The following TTI1 variants were observed in gnomAD, a reference collection of about 807,000 sequenced individuals.
The protein encoded by TTI1 is TELO2 interacting protein 1.
In TTI1, 52 loss-of-function variants were observed where a neutral mutation model predicts 85.4. The ratio of observed to expected loss-of-function variants is 0.61; its 90% CI spans 0.49 to 0.77. The LOEUF (loss-of-function observed/expected upper bound fraction) is 0.77, where lower values mean the gene tolerates loss of function less well. Among genes scored for constraint, TTI1 ranks in the 30% least tolerant of loss-of-function variants. The probability of loss-of-function intolerance (pLI) is 0.00; values close to 1 mark genes in which losing one functional copy is unlikely to be tolerated. For synonymous variants in TTI1, 512 were observed against 503.9 expected (o/e 1.02, Z -0.22); for missense variants, 1,173 against 1,296.0 (o/e 0.91, Z 1.46).
At position 38,013,464 on chromosome 20, in the gene TTI1, T is replaced by C. The variant is rs1015821405; in HGVS notation, c.353A>G (p.Glu118Gly). ...TCCCTGGATCACAGCCAATTTCAAC[T>C]CCTCGGACACAGCCGCAGGTTTTTG... ...SSQKPAAVSE[E>G]LKLAVIQGLS... Residue 118 changes from glutamate (E) to glycine (G), a missense_variant, in exon 2 of 8, where the codon GAG (glutamate) becomes GGG (glycine). Physicochemically the swap from Glu to Gly is moderately conservative, Grantham distance 98. Coordinates refer to ENST00000373447, the MANE Select transcript of TTI1 (RefSeq NM_001303457.2). 6.2e-7 allele frequency: 1 copy of C among 1,613,878 alleles called. No individual in the cohort carries two copies. Among genetic ancestry groups the C allele is most frequent in the Non-Finnish European group, 8.5e-7 (1 of 1,180,034 alleles).
chr20:37,999,036 T>C (rs1369252505), intron 5 of TTI1, 152 bp downstream of exon 5: 1 of 959,280 alleles, frequency 1.0e-6, no homozygotes, highest in Non-Finnish European at 1.4e-6. Flanking sequence ...GACTGTTACT[T>C]TCTTCTTTGT....
chr20:38,013,902 A>C (rs2122596588), intron 1 of TTI1, 45 bp from the exon 2 acceptor site: 2 of 1,513,034 alleles, frequency 1.3e-6, no homozygotes, highest in East Asian at 4.5e-5. Flanking sequence ...GTTCAAAGCA[A>C]GTATGAAGTG....
Position 37,983,469 on chromosome 20 carries a change from T to C in TTI1, c.3257A>G (p.Lys1086Arg), listed in dbSNP as rs764001209. Residue 1086 changes from lysine to arginine, a missense_variant, in exon 8 of 8, where the codon AAG (lysine) becomes AGG (arginine). Coordinates refer to ENST00000373447, the MANE Select transcript of TTI1 (RefSeq NM_001303457.2). Reference protein sequence around the residue: ...PYTTNVLQLLKELQ With the variant: ...PYTTNVLQLLRELQ ...GGGGGAGCAGGGTCACTGCAGCTCC[T>C]TGAGCAGCTGGAGCACGTTGGTCGT... The C allele has an allele frequency of 6.2e-7, 1 of 1,610,720 alleles. No homozygotes were observed. Among genetic ancestry groups the C allele is most frequent in the East Asian group, 2.2e-5 (1 of 44,782 alleles).
intron 1 of TTI1, among the ~76,000 whole-genome samples, chr20:38,021,621 T>A (rs563026486): frequency 6.6e-6 from 1 of 152,192 alleles, no homozygotes; most frequent in South Asian, 2.1e-4. Context: ...AGTTCTTGAC[T>A]GCTAATGGAC....
intron 1 of TTI1, among the ~76,000 whole-genome samples, chr20:38,020,321 A>ATATATAT (rs1443587921): frequency 1.2e-3 from 50 of 42,680 alleles, no homozygotes; most frequent in East Asian, 8.4e-3. Context: ...AAAAAAAAAA[A>ATATATAT]AAATATATAT....
intron 3 of TTI1, among the ~76,000 whole-genome samples, chr20:38,004,293 G>GC (rs2073468035): frequency 6.6e-6 from 1 of 152,112 alleles, no homozygotes; most frequent in Admixed American, 6.6e-5. Flanking sequence ...TCTACTTACA[G>GC]CCCCCAGCCT....
chr20:37,993,188 C>T (rs1292508598), intron 7 of TTI1, among the ~76,000 whole-genome samples: 2 of 149,254 alleles, frequency 1.3e-5, no homozygotes, highest in African/African-American at 2.5e-5. Context: ...CATCCTGCCC[C>T]CACCATCCCC....
chr20:37,987,177 C>A, intron 7 of TTI1: 1 of 456,740 alleles, frequency 2.2e-6, no homozygotes, highest in Non-Finnish European at 4.4e-6. Context: ...GAGTCCTTAG[C>A]GCCAGGCTTT....
chr20:37,987,129 C>T, intron 7 of TTI1: 1 of 456,470 alleles, frequency 2.2e-6, no homozygotes, highest in Non-Finnish European at 4.4e-6. Flanking sequence ...GGCTTTAAGC[C>T]CCTGGGAGCT....
rs550217091 is a variant in TTI1, at chr20:38,003,315, A to G, written c.2504-539T>C. Among the ~76,000 whole-genome samples, 4 of 152,330 alleles carry G rather than the reference A, an allele frequency of 2.6e-5. No homozygotes were observed. The East Asian group carries it at 7.7e-4, about 29-fold the overall frequency. On this transcript the variant is annotated intron_variant, in intron 3 of 7. Transcript: ENST00000373447. Reference sequence around the variant, plus strand: ...TGCTTATAAAATAATATTGTCTTAAAAAGACAAAAAGCACAACACAAAATT... The same window carrying G: ...TGCTTATAAAATAATATTGTCTTAAGAAGACAAAAAGCACAACACAAAATT...
At chr20:38,013,945 C>T in intron 1 of TTI1, 88 bp from the exon 2 acceptor site, 1 of 1,401,738 alleles carries the variant, frequency 7.1e-7, no homozygotes, top group South Asian at 1.4e-5. Flanking sequence ...AGACATTTAC[C>T]TGGGGTCTAT....
In TTI1 at chr20:37,991,385, C is replaced by T. The variant is rs1329062860; in HGVS notation, c.3086+4990G>A. ...TCCTCATCCGTTCAAATATAATAGGCTCATGTGTGGGTAAAGAGAGGAGTT... is the reference window on the plus strand; with the variant it reads ...TCCTCATCCGTTCAAATATAATAGGTTCATGTGTGGGTAAAGAGAGGAGTT... On this transcript the variant is annotated intron_variant, in intron 7 of 7. Transcript: ENST00000373447. 2.6e-5 allele frequency among the ~76,000 whole-genome samples: 4 copies of T among 152,158 alleles called. No homozygotes were observed. The East Asian group carries it at 5.8e-4, about 22-fold the overall frequency.
At chr20:37,996,663 G>T (rs1309062254) in intron 6 of TTI1, 86 bp downstream of exon 6, 5 of 1,485,302 alleles carry the variant, frequency 3.4e-6, no homozygotes, top group Non-Finnish European at 4.6e-6. Context: ...GGGAGGGGAG[G>T]GGGGCACGAC....
Position 37,999,306 on chromosome 20 carries a change from C to A in TTI1, c.2675G>T (p.Cys892Phe). 6.8e-7 allele frequency: 1 copy of A among 1,474,044 alleles called. No individual in the cohort carries two copies. The highest frequency in any genetic ancestry group is 9.0e-7 in the Non-Finnish European group (1 of 1,106,332). The allele number at this position is 1,474,044 out of a possible 1,614,324, so 91.3% of individuals were successfully genotyped here. ...TTTGTGGGACTGAAGAACAACCACA[C>A]ACAGATCCAGCACATCCAAGACCTG... ...RLKVLDVLDL[C>F]VVVLQSHKNQ... is the part of the protein sequence containing the mutation. The change falls in exon 5 of 8, where the codon TGT becomes TTT. Residue 892 changes from cysteine to phenylalanine, a missense_variant. By Grantham distance (205) the Cys-to-Phe change is radical. Coordinates refer to ENST00000373447, the MANE Select transcript of TTI1 (RefSeq NM_001303457.2).
rs898388352 is a variant in TTI1, at chr20:38,007,462, G to A, written c.2303-1065C>T. 3.3e-5 allele frequency among the ~76,000 whole-genome samples: 5 copies of A among 152,158 alleles called. No individual in the cohort carries two copies. The East Asian group carries it at 5.8e-4, about 18-fold the overall frequency. Reference sequence around the variant, plus strand: ...CACAACAGGGAGGGCACCAAGAGACGGTGGGCTACAGGCATGGGTTCCAGG... The same window carrying A: ...CACAACAGGGAGGGCACCAAGAGACAGTGGGCTACAGGCATGGGTTCCAGG... On this transcript the variant is annotated intron_variant, in intron 2 of 7. Transcript: ENST00000373447.
At chr20:38,016,438 A>G (rs543635222) in intron 1 of TTI1, among the ~76,000 whole-genome samples, 1 of 152,326 alleles carries the variant, frequency 6.6e-6, no homozygotes, top group South Asian at 2.1e-4. Context: ...GCCCCCTGAC[A>G]GGGTGGTGGT....
rs143387255 is a variant in TTI1, at chr20:37,991,527, G to C, written c.3086+4848C>G. 4.8e-3 allele frequency among the ~76,000 whole-genome samples: 736 copies of C among 152,330 alleles called. 10 individuals carry two copies. The highest frequency in any genetic ancestry group is 6.6e-3 in the South Asian group (32 of 4,826). Reference sequence around the variant, plus strand: ...ATCCTACTGCTAGAAAGAGAGCAGGGAAGTCAGTCTGTAAATGAACCTTCA... The same window carrying C: ...ATCCTACTGCTAGAAAGAGAGCAGGCAAGTCAGTCTGTAAATGAACCTTCA... On this transcript the variant is annotated intron_variant, in intron 7 of 7. Transcript: ENST00000373447.
chr20:37,983,891 C>T (rs1230923476), intron 7 of TTI1, among the ~76,000 whole-genome samples: 1 of 152,138 alleles, frequency 6.6e-6, no homozygotes, highest in Non-Finnish European at 1.5e-5. Context: ...TTAGTCTGAG[C>T]AGAACAATAT....
chr20:38,025,822 G>T (rs981681779), intron 1 of TTI1, among the ~76,000 whole-genome samples: 4 of 152,054 alleles, frequency 2.6e-5, no homozygotes, highest in Non-Finnish European at 5.9e-5. Context: ...TCAGTGGATG[G>T]GCTCAACAGC....
Sources: gnomAD v4.1 joint callset for allele counts (sites outside exome capture counted in the v4.1 genomes callset) on GRCh38, gnomAD v4.1.1 for gene constraint, MANE v1.5 for transcripts, NCBI Gene and HGNC (gene_info 2026-07-23, HGNC 2026-07-21) for gene names.